The following CTSZ variants were observed in gnomAD, a reference collection of about 807,000 sequenced individuals.
CTSZ encodes cathepsin Z.
CTSZ carries 39 observed loss-of-function variants against 32.4 expected under a neutral mutation model. The observed-to-expected ratio is 1.20, with a 90% CI of 0.93 to 1.57. The LOEUF (loss-of-function observed/expected upper bound fraction) is 1.57, where lower values mean the gene tolerates loss of function less well. Among genes scored for constraint, CTSZ ranks in the 40% most tolerant of loss-of-function variants. The pLI is 0.00. For missense variants in CTSZ, 397 were observed against 419.6 expected (o/e 0.95, Z 0.47); for synonymous variants, 168 against 170.1 (o/e 0.99, Z 0.10).
At chr20:59,006,006 G>A in intron 2 of CTSZ, 1 of 400,640 alleles carries the variant, frequency 2.5e-6, no homozygotes. Flanking sequence ...ACAGCCTGGG[G>A]ACTCAGTGAT....
At position 59,001,348 on chromosome 20, in the gene CTSZ, C is replaced by T; in HGVS notation, c.487+117G>A. 7.2e-6 allele frequency: 9 copies of T among 1,257,346 alleles called. 1 individual carries two copies. In the Middle Eastern group the frequency reaches 1.6e-3, roughly 228 times the overall value. The allele number at this position is 1,257,346 out of a possible 1,614,324, so 77.9% of individuals were successfully genotyped here. A position where few individuals can be genotyped will look rare whatever the true frequency, so the allele number is the denominator to read the frequency against. ...TGCAACCTCTGCCCTCCCGCAGCTC[C>T]CCAGCCACCAGCCAATGTGAGGAGC... On this transcript the variant is annotated intron_variant, in intron 3 of 5. Transcript: ENST00000217131.
rs748662783 is a variant in CTSZ at position 58,996,715 on chromosome 20, A to G, written c.725T>C (p.Val242Ala). The G allele has an allele frequency of 1.2e-6, 2 of 1,614,212 alleles. No homozygotes were observed. The highest frequency in any genetic ancestry group is 1.1e-5 in the South Asian group (1 of 91,084). ...EYQDTTYINHVVSVAGWGISD... is the reference protein window; with the variant it reads ...EYQDTTYINHAVSVAGWGISD... Reference sequence around the variant, plus strand: ...GATGCCCCACCCAGCCACAGAAACGACATGGTTTATATATGTGGTGTCCTG... The same window carrying G: ...GATGCCCCACCCAGCCACAGAAACGGCATGGTTTATATATGTGGTGTCCTG... Residue 242 changes from valine to alanine, a missense_variant, in exon 5 of 6, where the codon GTC becomes GCC. By Grantham distance (64) the Val-to-Ala change is moderately conservative. Transcript: ENST00000217131.
chr20:59,006,526 C>A (rs1177502381), intron 1 of CTSZ, 41 bp from the exon 2 acceptor site: 2 of 1,571,160 alleles, frequency 1.3e-6, no homozygotes, highest in East Asian at 2.3e-5. Flanking sequence ...TGCTGGGGCT[C>A]CCGGGGGCCG....
intron 5 of CTSZ, 66 bp downstream of exon 5, chr20:58,996,573 T>A: frequency 6.5e-7 from 1 of 1,537,554 alleles, no homozygotes; most frequent in Non-Finnish European, 9.0e-7. Context: ...ACAGAACCAT[T>A]CAAGCGAGAG....
Position 58,995,622 on chromosome 20 carries a change from T to C in CTSZ, c.*27A>G. ...TGGTCATGGGTCACCATGCCTTTTC[T>C]TAAACTGCGCTTCTAGTGACATGGC... On this transcript the variant is annotated 3_prime_UTR_variant, in exon 6 of 6. Transcript: ENST00000217131. The C allele has an allele frequency of 6.2e-7, 1 of 1,606,852 alleles. No homozygotes were observed. The highest frequency in any genetic ancestry group is 1.1e-5 in the South Asian group (1 of 90,846).
In CTSZ at chr20:59,006,992, C is replaced by T; in HGVS notation, c.137G>A (p.Gly46Glu). The T allele has an allele frequency of 6.8e-7, 1 of 1,460,684 alleles. No individual in the cohort carries two copies. The highest frequency in any genetic ancestry group is 1.3e-5 in the South Asian group (1 of 75,852). The allele number at this position is 1,460,684 out of a possible 1,614,324, so 90.5% of individuals were successfully genotyped here. A position where few individuals can be genotyped will look rare whatever the true frequency, so the allele number is the denominator to read the frequency against. The change falls in exon 1 of 6, where the codon GGG becomes GAG. Residue 46 changes from glycine to glutamate, a missense_variant. By Grantham distance (98) the Gly-to-Glu change is moderately conservative (BLOSUM62 -2). Transcript: ENST00000217131. ...PLRGDGLAPL[G>E]RSTYPRPHEY... ...CCTCCCCGCCGGTGCCCACCTGCGC[C>T]CCAGCGGAGCCAGCCCGTCCCCCCG... is the stretch of plus-strand genomic sequence containing the variant.
chr20:59,003,727 G>T (rs549619871), intron 2 of CTSZ, among the ~76,000 whole-genome samples: 152 of 152,254 alleles, frequency 1.0e-3, no homozygotes, highest in African/African-American at 3.3e-3. Flanking sequence ...GGACCTCAGG[G>T]AGAGAGGAGG....
At chr20:58,996,832 T>C in intron 4 of CTSZ, 31 bp from the exon 5 acceptor site, 1 of 1,606,458 alleles carries the variant, frequency 6.2e-7, no homozygotes, top group Non-Finnish European at 8.5e-7. Context: ...AATTACCACT[T>C]TTAAATTGAG....
chr20:58,998,430 G>A (rs2146361703), intron 3 of CTSZ, among the ~76,000 whole-genome samples: 1 of 152,090 alleles, frequency 6.6e-6, no homozygotes, highest in Middle Eastern at 3.4e-3. Flanking sequence ...TGTAATCCCA[G>A]CTACTCAGTG....
intron 4 of CTSZ, 40 bp downstream of exon 4, chr20:58,997,563 C>G: frequency 2.7e-6 from 4 of 1,501,162 alleles, no homozygotes; most frequent in Non-Finnish European, 3.6e-6. Context: ...GACCTTTCCT[C>G]ACCCGCAAAC....
intron 2 of CTSZ, among the ~76,000 whole-genome samples, chr20:59,003,974 G>C (rs908018135): frequency 6.6e-6 from 1 of 152,250 alleles, no homozygotes; most frequent in Non-Finnish European, 1.5e-5. Context: ...CGGCAGTGGG[G>C]CGGTGTGGCT....
chr20:58,996,795 T>C lies in CTSZ; in HGVS notation c.645A>G (p.Gly215=). ...EIYANGPISC[G]IMATERLANY... is the part of the protein sequence containing the mutation. ...TAGCCAGTCTTTCTGTTGCCATTAT[T>C]CCACAGCTGAGAGCAAGCAGTTAAA... is the stretch of plus-strand genomic sequence containing the variant. The change falls in exon 5 of 6, where the codon GGA becomes GGG. Residue 215 remains glycine, a synonymous_variant. Transcript: ENST00000217131. 6.2e-7 allele frequency: 1 copy of C among 1,613,944 alleles called. No homozygotes were observed.
intron 3 of CTSZ, 28 bp downstream of exon 3, chr20:59,001,437 T>G (rs1601226017): frequency 1.3e-6 from 2 of 1,583,578 alleles, no homozygotes; most frequent in Non-Finnish European, 8.6e-7. Flanking sequence ...GGCAGGAGGG[T>G]GGAGTGGGGG....
rs1445590909 is a variant in CTSZ at position 58,997,738 on chromosome 20, T to C, written c.503A>G (p.Asn168Ser). The C allele has an allele frequency of 6.2e-7, 1 of 1,607,338 alleles. No individual in the cohort carries two copies. The highest frequency in any genetic ancestry group is 1.3e-5 in the African/African-American group (1 of 74,732). Residue 168 changes from asparagine to serine, a missense_variant, in exon 4 of 6, where the codon AAC (asparagine) becomes AGC (serine). Coordinates refer to ENST00000217131, the MANE Select transcript of CTSZ (RefSeq NM_001336.4). ...GAATTCATTGCATGTCCCACATTGG[T>C]TAAACTTGTCACACTCTGGGGGAGA... ...QAKDQECDKF[N>S]QCGTCNEFKE...
At chr20:58,998,405 G>A (rs748766991) in intron 3 of CTSZ, among the ~76,000 whole-genome samples, 1 of 151,922 alleles carries the variant, frequency 6.6e-6, no homozygotes, top group Admixed American at 6.6e-5. Flanking sequence ...TTAGCTGGGT[G>A]TGGTGGTGGA....
At chr20:59,000,480 C>T (rs2091884177) in intron 3 of CTSZ, among the ~76,000 whole-genome samples, 1 of 152,230 alleles carries the variant, frequency 6.6e-6, no homozygotes, top group Admixed American at 6.5e-5. Context: ...AAGGAATGTG[C>T]CAGCTCTAGG....
At chr20:59,006,838 A>G in intron 1 of CTSZ, 148 bp downstream of exon 1, 1 of 703,098 alleles carries the variant, frequency 1.4e-6, no homozygotes, top group Non-Finnish European at 2.1e-6. Context: ...TGGATGTGGA[A>G]GAGAAGGAGC....
At chr20:59,000,338 A>G (rs879425999) in intron 3 of CTSZ, among the ~76,000 whole-genome samples, 4 of 152,258 alleles carry the variant, frequency 2.6e-5, no homozygotes, top group Non-Finnish European at 5.9e-5. Context: ...AGATCGTGCC[A>G]TTGCACTCCA....
chr20:59,006,782 T>C (rs1398868455), intron 1 of CTSZ, among the ~76,000 whole-genome samples: 1 of 152,158 alleles, frequency 6.6e-6, no homozygotes. Context: ...CCTGGCTTTC[T>C]GGCCAGGTGG....
Sources: allele counts gnomAD v4.1 joint callset (sites outside exome capture counted in the v4.1 genomes callset), GRCh38; gene constraint gnomAD v4.1.1; transcripts MANE v1.5; gene names NCBI Gene and HGNC (gene_info 2026-07-23, HGNC 2026-07-21).